Variants in TEX2 observed in about 807,000 individuals in gnomAD.
The protein encoded by TEX2 is testis-expressed protein 2.
A neutral mutation model predicts 106.9 loss-of-function variants in TEX2; 53 were observed. The ratio of observed to expected loss-of-function variants is 0.50; its 90% CI spans 0.40 to 0.62. TEX2 has a LOEUF of 0.62. Among genes scored for constraint, TEX2 ranks in the 20% least tolerant of loss-of-function variants. TEX2 has a pLI of 0.00. For missense variants in TEX2, 1,207 were observed against 1,379.0 expected (o/e 0.88, Z 1.98); for synonymous variants, 523 against 534.8 (o/e 0.98, Z 0.30).
rs1276986869 is a variant in TEX2 at position 64,149,066 on chromosome 17, TC to T, written c.3286del (p.Asp1096MetfsTer7). The T allele has an allele frequency of 1.2e-6, 2 of 1,613,784 alleles. No individual in the cohort carries two copies. The highest frequency in any genetic ancestry group is 3.3e-5 in the Admixed American group (2 of 59,972). ...GTGCATTATAGTGATATAAACATCATCCATGTTTGGCATGACAAAAACTTTC... is the reference window on the plus strand; with the variant it reads ...GTGCATTATAGTGATATAAACATCATCATGTTTGGCATGACAAAAACTTTC... ...FQKVFVMPNMDDVYITIMHSA... is the reference protein window; with the variant it reads ...FQKVFVMPNMXDVYITIMHSA... On this transcript the variant is annotated frameshift_variant, in exon 12 of 12. Coordinates refer to ENST00000584379, the MANE Select transcript of TEX2 (RefSeq NM_001288732.2). LOFTEE classifies it high-confidence loss of function.
chr17:64,238,606 G>A (rs2033820651), intron 1 of TEX2, among the ~76,000 whole-genome samples: 2 of 152,216 alleles, frequency 1.3e-5, no homozygotes, highest in Non-Finnish European at 2.9e-5. Context: ...GGTAACAGGA[G>A]AGAGAATGAG....
At chr17:64,179,029 G>GCTGT (rs1437929999) in intron 5 of TEX2, among the ~76,000 whole-genome samples, 1 of 152,242 alleles carries the variant, frequency 6.6e-6, no homozygotes, top group Non-Finnish European at 1.5e-5. Context: ...CAGTCACTGA[G>GCTGT]CTGTGCCTGA....
chr17:64,150,707 G>T, intron 11 of TEX2, 134 bp downstream of exon 11: 1 of 953,834 alleles, frequency 1.0e-6, no homozygotes, highest in Non-Finnish European at 1.5e-6. Flanking sequence ...TTGATCAAAT[G>T]TAATACTCTT....
chr17:64,256,536 A>G (rs1404691428), intron 1 of TEX2, among the ~76,000 whole-genome samples: 1 of 152,154 alleles, frequency 6.6e-6, no homozygotes, highest in Non-Finnish European at 1.5e-5. Context: ...GCTCTGCCCA[A>G]GACCCCCAGT....
At chr17:64,202,316 C>T (rs1051423952) in intron 2 of TEX2, among the ~76,000 whole-genome samples, 18 of 152,118 alleles carry the variant, frequency 1.2e-4, no homozygotes, top group Admixed American at 6.5e-5. Flanking sequence ...CTGTCAGGAA[C>T]CAGGTTGCAG....
At chr17:64,160,539 T>C (rs965720497) in intron 8 of TEX2, among the ~76,000 whole-genome samples, 1 of 152,122 alleles carries the variant, frequency 6.6e-6, no homozygotes, top group East Asian at 1.9e-4. Flanking sequence ...GTCAGTGATG[T>C]TTTCTGGGTA....
rs535445387 is a variant in TEX2 at position 64,224,717 on chromosome 17, T to C, written c.-25-10475A>G. On this transcript the variant is annotated intron_variant, in intron 1 of 11. Coordinates refer to ENST00000584379, the MANE Select transcript of TEX2 (RefSeq NM_001288732.2). Reference sequence around the variant, plus strand: ...AGGCCCACTCCCTTCCACCACCGCATAGACCTTTTACCTGCCATGAAGAAA... The same window carrying C: ...AGGCCCACTCCCTTCCACCACCGCACAGACCTTTTACCTGCCATGAAGAAA... Among the ~76,000 whole-genome samples, 28 of 152,168 alleles carry C rather than the reference T, an allele frequency of 1.8e-4. No homozygotes were observed. In the South Asian group the frequency reaches 4.6e-3, roughly 25 times the overall value.
chr17:64,152,664 A>G (rs1020425596), intron 10 of TEX2, among the ~76,000 whole-genome samples: 6 of 152,236 alleles, frequency 3.9e-5, no homozygotes, highest in African/African-American at 1.4e-4. Flanking sequence ...GGCTTTACAG[A>G]GGAGGAAGAC....
chr17:64,200,933 T>C (rs1443911854), intron 2 of TEX2, among the ~76,000 whole-genome samples: 1 of 152,126 alleles, frequency 6.6e-6, no homozygotes, highest in Non-Finnish European at 1.5e-5. Flanking sequence ...TGAACTACCA[T>C]GTTCCTATCT....
chr17:64,180,451 C>T (rs1022516522), intron 5 of TEX2, among the ~76,000 whole-genome samples: 1 of 152,190 alleles, frequency 6.6e-6, no homozygotes. Context: ...AGCTTCTCTC[C>T]ACAGACTCAT....
intron 5 of TEX2, among the ~76,000 whole-genome samples, chr17:64,182,653 A>G (rs1156766913): frequency 6.6e-6 from 1 of 152,024 alleles, no homozygotes; most frequent in Non-Finnish European, 1.5e-5. Flanking sequence ...CCTGCCCACC[A>G]GTCTAGGAAA....
intron 1 of TEX2, among the ~76,000 whole-genome samples, chr17:64,258,014 C>T (rs766129534): frequency 6.6e-6 from 1 of 151,922 alleles, no homozygotes; most frequent in East Asian, 1.9e-4. Context: ...TGGGCTCAAG[C>T]GATTCTCCTG....
intron 1 of TEX2, among the ~76,000 whole-genome samples, chr17:64,226,074 A>G (rs1354125117): frequency 5.9e-5 from 9 of 152,160 alleles, no homozygotes; most frequent in Admixed American, 5.9e-4. Flanking sequence ...ACAACAATGT[A>G]CCTTTGGGAA....
intron 1 of TEX2, among the ~76,000 whole-genome samples, chr17:64,236,518 C>T (rs1460001303): frequency 6.6e-6 from 1 of 152,188 alleles, no homozygotes; most frequent in Non-Finnish European, 1.5e-5. Flanking sequence ...GCCTGAGCGA[C>T]AGAGTAAGAC....
At chr17:64,229,703 T>C (rs1273858700) in intron 1 of TEX2, among the ~76,000 whole-genome samples, 1 of 152,212 alleles carries the variant, frequency 6.6e-6, no homozygotes, top group East Asian at 1.9e-4. Flanking sequence ...CTGTTTCCTA[T>C]ACAAGGATCT....
At chr17:64,188,583 G>A (rs1055874451) in intron 4 of TEX2, 168 bp from the exon 5 acceptor site, 18 of 1,024,714 alleles carry the variant, frequency 1.8e-5, no homozygotes, top group South Asian at 6.8e-5. Flanking sequence ...TTGAGAGGCC[G>A]AGGCGGGCGG....
chr17:64,213,685 G>A lies in TEX2; in HGVS notation c.533C>T (p.Ser178Leu). The A allele has an allele frequency of 6.2e-7, 1 of 1,614,164 alleles. No individual in the cohort carries two copies. Among genetic ancestry groups the A allele is most frequent in the Non-Finnish European group, 8.5e-7 (1 of 1,180,024 alleles). ...TTTTGCACTGGAAAGGGTGGAGGTT[G>A]AGGCACTGGATGAGAGGATGGGAGA... ...SKSPILSSSA[S>L]TSTLSSAKPF... The change falls in exon 2 of 12, where the codon TCA (serine) becomes TTA (leucine). Residue 178 changes from serine to leucine, a missense_variant. Ser to Leu is a moderately radical substitution (Grantham distance 145). Around this residue, in one of 3 missense-constraint regions of TEX2, gnomAD observed 1,067 missense variants for 1,193.6 expected, o/e 0.89. Coordinates refer to ENST00000584379, the MANE Select transcript of TEX2 (RefSeq NM_001288732.2). The surrounding 1 kb of genome is among the most constrained non-coding windows in gnomAD (Gnocchi z 4.4).
At chr17:64,247,448 C>G (rs2034010716) in intron 1 of TEX2, among the ~76,000 whole-genome samples, 1 of 152,112 alleles carries the variant, frequency 6.6e-6, no homozygotes, top group African/African-American at 2.4e-5. Context: ...CACAGGACAC[C>G]TGGCTAGGAT....
chr17:64,217,676 A>G lies in TEX2; in HGVS notation c.-25-3434T>C, dbSNP rs1405028389. Among the ~76,000 whole-genome samples the G allele has an allele frequency of 6.6e-6, 1 of 152,158 alleles. No homozygotes were observed. The highest frequency in any genetic ancestry group is 2.4e-5 in the African/African-American group (1 of 41,414). On this transcript the variant is annotated intron_variant, in intron 1 of 11. Transcript: ENST00000584379. The surrounding 1 kb of genome is among the most constrained non-coding windows in gnomAD (Gnocchi z 4.3). ...TCCTGCCCTCTACTCCTGAAACTCA[A>G]TTATACCCAGGCTCAAAAAAAGAGA...
Sources: allele counts gnomAD v4.1 joint callset (sites outside exome capture counted in the v4.1 genomes callset), GRCh38; gene constraint gnomAD v4.1.1; regional missense constraint gnomAD v4.1.1; non-coding constraint Gnocchi (gnomAD v3.1); transcripts MANE v1.5; gene names NCBI Gene and HGNC (gene_info 2026-07-23, HGNC 2026-07-21).